The following NBR1 variants were observed in gnomAD, a reference collection of about 807,000 sequenced individuals.
The protein encoded by NBR1 is next to BRCA1 gene 1 protein.
In NBR1, 59 loss-of-function variants were observed where a neutral mutation model predicts 115.5. That is an observed-to-expected ratio of 0.51 (90% confidence interval 0.41 to 0.63). The LOEUF (loss-of-function observed/expected upper bound fraction) is 0.63. Ranked by LOEUF, NBR1 falls within the 30% of genes least tolerant of loss-of-function variation. The pLI, the probability that NBR1 is intolerant of heterozygous loss-of-function variation, is 0.00. For missense variants in NBR1, 1,043 were observed against 1,150.5 expected, an observed-to-expected ratio of 0.91 and a Z score of 1.35; for synonymous variants, 373 against 414.7, an observed-to-expected ratio of 0.90 and a Z score of 1.22.
At chr17:43,201,439 A>C (rs564155011) in intron 17 of NBR1, among the ~76,000 whole-genome samples, 4 of 152,316 alleles carry the variant, frequency 2.6e-5, no homozygotes, top group Non-Finnish European at 4.4e-5. Context: ...CCGTTTATTG[A>C]CACCACTTGA....
chr17:43,189,532 AT>A, intron 7 of NBR1, 55 bp from the exon 8 acceptor site: 2 of 1,300,280 alleles, frequency 1.5e-6, no homozygotes, highest in Non-Finnish European at 2.2e-6. Context: ...ATATCTTCAC[AT>A]TTTTTTCTGA....
intron 14 of NBR1, chr17:43,195,766 A>C (rs2154582276): frequency 6.6e-6 from 1 of 152,330 alleles, no homozygotes; most frequent in South Asian, 2.1e-4. Flanking sequence ...GGCTGCAGTG[A>C]GCCAGGATTG....
In NBR1 at chr17:43,197,087, C is replaced by T. The variant is rs748693636; in HGVS notation, c.2007C>T (p.Cys669=). 1.1e-5 allele frequency: 17 copies of T among 1,613,792 alleles called. No individual in the cohort carries two copies. Among genetic ancestry groups the T allele is most frequent in the African/African-American group, 2.7e-5 (2 of 74,910 alleles). Residue 669 remains cysteine, a synonymous_variant, in exon 16 of 21, where the codon TGC becomes TGT. Coordinates refer to ENST00000590996, the MANE Select transcript of NBR1 (RefSeq NM_005899.5). ...LDAAPDHNPP[C]RQKSLQMTFA... ...CTGCCCCAGACCACAACCCTCCTTG[C>T]AGACAGAAGTCCTTGCAGAGTGAGT...
chr17:43,194,781 T>TC (rs2057028848), intron 13 of NBR1, 183 bp from the exon 14 acceptor site: 4 of 625,994 alleles, frequency 6.4e-6, no homozygotes, highest in Admixed American at 3.3e-5. Flanking sequence ...ATTTTCTCTT[T>TC]CCTGCTATTG....
chr17:43,187,426 C>T (rs184289576), intron 6 of NBR1, among the ~76,000 whole-genome samples: 74 of 152,108 alleles, frequency 4.9e-4, no homozygotes, highest in Admixed American at 5.9e-4. Context: ...ATGGTCCGCC[C>T]GCCTTGGCCT....
In NBR1 at chr17:43,189,686, A is replaced by G. The variant is rs2056897698; in HGVS notation, c.579A>G (p.Ser193=). The stretch of plus-strand genomic sequence containing the variant: ...ACCCATCCTTGGGTTCTTGTCCCTC[A>G]GAAGTCTCAATGCCTACTTCAGAAG... ...LQNPSLGSCP[S]EVSMPTSEET... is the part of the protein sequence containing the mutation. Residue 193 remains serine (S), a synonymous_variant, in exon 8 of 21, where the codon TCA becomes TCG. Transcript: ENST00000590996. 1 of 1,613,954 alleles carries G rather than the reference A, an allele frequency of 6.2e-7. No homozygotes were observed. Among genetic ancestry groups the G allele is most frequent in the East Asian group, 2.2e-5 (1 of 44,890 alleles).
intron 20 of NBR1, among the ~76,000 whole-genome samples, chr17:43,209,131 C>T (rs2057370254): frequency 6.6e-6 from 1 of 151,186 alleles, no homozygotes; most frequent in Non-Finnish European, 1.5e-5. Context: ...GGCTGGAGTG[C>T]AATGGCGCGA....
intron 10 of NBR1, 77 bp from the exon 11 acceptor site, chr17:43,193,017 A>G: frequency 1.4e-6 from 2 of 1,426,848 alleles, no homozygotes; most frequent in Non-Finnish European, 1.9e-6. Flanking sequence ...TCACAGTCAG[A>G]CTCTCAAGCT....
In NBR1 at chr17:43,178,078, C is replaced by G. The variant is rs781271352; in HGVS notation, c.165+80C>G. ...TCCAGTGATATGGGCTTTAATAATT[C>G]AAAATAGTGTTTAGCTTATTTGTGT... is the stretch of plus-strand genomic sequence containing the variant. On this transcript the variant is annotated intron_variant, in intron 3 of 20. Transcript: ENST00000590996. 7 of 1,467,928 alleles carry G rather than the reference C, an allele frequency of 4.8e-6. No individual in the cohort carries two copies. In the East Asian group the frequency reaches 1.5e-4, roughly 31 times the overall value. The allele number at this position is 1,467,928 out of a possible 1,614,324, so 90.9% of individuals were successfully genotyped here. A position where few individuals can be genotyped will look rare whatever the true frequency, so the allele number is the denominator to read the frequency against.
At chr17:43,173,788 C>T (rs979714205) in intron 1 of NBR1, among the ~76,000 whole-genome samples, 1 of 152,080 alleles carries the variant, frequency 6.6e-6, no homozygotes, top group Admixed American at 6.6e-5. Context: ...TGTCTGGAAG[C>T]TAAGTCTTCC....
intron 20 of NBR1, chr17:43,209,603 T>C: frequency 6.5e-7 from 1 of 1,535,644 alleles, no homozygotes; most frequent in Non-Finnish European, 8.7e-7. Context: ...AAAAAATGCT[T>C]CTTCCTGAAA....
chr17:43,194,365 G>A lies in NBR1; in HGVS notation c.1540G>A (p.Ala514Thr). Reference sequence around the variant, plus strand: ...GTCTCTATAGGAAACTTTTCTTCTGGCTAAAGAAGAAAGACAGCTTGGTGA... The same window carrying A: ...GTCTCTATAGGAAACTTTTCTTCTGACTAAAGAAGAAAGACAGCTTGGTGA... The part of the protein sequence containing the change: ...TCQQEETFLL[A>T]KEERQLGEVT... Residue 514 changes from alanine to threonine, a missense_variant, in exon 13 of 21, where the codon GCT (alanine) becomes ACT (threonine). Physicochemically the swap from Ala to Thr is moderately conservative, Grantham distance 58 (BLOSUM62 0). Transcript: ENST00000590996. 6.2e-7 allele frequency: 1 copy of A among 1,613,272 alleles called. No homozygotes were observed.
rs1249813782 is a variant in NBR1, at chr17:43,188,823, TC to T, written c.403-217del. Among the ~76,000 whole-genome samples, 5 of 152,292 alleles carry T rather than the reference TC, an allele frequency of 3.3e-5. 1 individual carries two copies. Among genetic ancestry groups the T allele is most frequent in the Admixed American group, 3.3e-4 (5 of 15,284 alleles). On this transcript the variant is annotated intron_variant, in intron 6 of 20. Coordinates refer to ENST00000590996, the MANE Select transcript of NBR1 (RefSeq NM_005899.5). ...ATCAGAGATTTGGGAATTAGTGTGCTCCTCTCTCTGACTTTTGAAACTGGTA... is the reference window on the plus strand; with the variant it reads ...ATCAGAGATTTGGGAATTAGTGTGCTCTCTCTCTGACTTTTGAAACTGGTA...
intron 20 of NBR1, among the ~76,000 whole-genome samples, chr17:43,208,838 A>C (rs1655812711): frequency 6.6e-6 from 1 of 152,156 alleles, no homozygotes; most frequent in South Asian, 2.1e-4. Flanking sequence ...GTGGTAGCGC[A>C]GACCAGTGGT....
At chr17:43,182,211 C>CTTTTTTTTTTT (rs752789312) in intron 5 of NBR1, among the ~76,000 whole-genome samples, 5 of 71,572 alleles carry the variant, frequency 7.0e-5, no homozygotes, top group Non-Finnish European at 1.0e-4. Context: ...CTGTTCTCTC[C>CTTTTTTTTTTT]TTTTTTTTTT....
At chr17:43,195,077 A>G in intron 14 of NBR1, 38 bp downstream of exon 14, 1 of 1,528,636 alleles carries the variant, frequency 6.5e-7, no homozygotes, top group Non-Finnish European at 9.1e-7. Context: ...TCGTCTTACT[A>G]ATAGGCACAA....
intron 1 of NBR1, among the ~76,000 whole-genome samples, chr17:43,175,558 C>T (rs1375533497): frequency 6.6e-6 from 1 of 152,078 alleles, no homozygotes; most frequent in Non-Finnish European, 1.5e-5. Context: ...GACTTAAGTA[C>T]AAGTCTTTAT....
intron 1 of NBR1, among the ~76,000 whole-genome samples, chr17:43,172,315 C>T (rs1245483735): frequency 2.0e-5 from 3 of 152,178 alleles, no homozygotes; most frequent in Non-Finnish European, 4.4e-5. Context: ...TGGATATGGT[C>T]CAGCCAAGCT....
At chr17:43,209,204 G>A (rs1219435879) in intron 20 of NBR1, among the ~76,000 whole-genome samples, 6 of 151,770 alleles carry the variant, frequency 4.0e-5, no homozygotes, top group Admixed American at 6.6e-5. Context: ...AGCCTCCCGA[G>A]TAGCTGGGAC....
Sources: allele counts gnomAD v4.1 joint callset (sites outside exome capture counted in the v4.1 genomes callset), GRCh38; gene constraint gnomAD v4.1.1; transcripts MANE v1.5; gene names NCBI Gene and HGNC (gene_info 2026-07-23, HGNC 2026-07-21).